CADM2: variants seen among roughly 807,000 people sequenced by gnomAD.
CADM2 encodes the protein immunoglobulin superfamily member 4D.
A neutral mutation model predicts 49.8 loss-of-function variants in CADM2; 12 were observed. The observed-to-expected ratio is 0.24, with a 90% confidence interval of 0.15 to 0.39. The LOEUF (loss-of-function observed/expected upper bound fraction) is 0.39. CADM2 is among the 10% of genes least tolerant of loss of function. CADM2 has a pLI of 1.00. For synonymous variants in CADM2, 214 were observed against 175.4 expected (o/e 1.22, Z -1.74); for missense variants, 378 against 492.3 (o/e 0.77, Z 2.20).
chr3:85,534,305 CT>C (rs1429058106), intron 1 of CADM2, among the ~76,000 whole-genome samples: 1 of 152,112 alleles, frequency 6.6e-6, no homozygotes, highest in Non-Finnish European at 1.5e-5. Flanking sequence ...CCAGATGTAG[CT>C]ATTTAAATCA....
At chr3:85,499,876 T>C (rs1394586814) in intron 1 of CADM2, among the ~76,000 whole-genome samples, 2 of 152,130 alleles carry the variant, frequency 1.3e-5, no homozygotes, top group African/African-American at 2.4e-5. Flanking sequence ...AGACATCACA[T>C]GAATTAAACC....
At chr3:85,447,489 A>G (rs1159802580) in intron 1 of CADM2, among the ~76,000 whole-genome samples, 1 of 152,178 alleles carries the variant, frequency 6.6e-6, no homozygotes, top group Non-Finnish European at 1.5e-5. Context: ...CCCCTTATAC[A>G]TACAGGTAGT....
chr3:84,968,825 T>G (rs1286652413), intron 1 of CADM2, among the ~76,000 whole-genome samples: 1 of 152,046 alleles, frequency 6.6e-6, no homozygotes, highest in Non-Finnish European at 1.5e-5. Context: ...GTTTTGCTGG[T>G]TTTTATGTGA....
At chr3:85,746,340 G>A (rs1193456260) in intron 2 of CADM2, among the ~76,000 whole-genome samples, 1 of 152,126 alleles carries the variant, frequency 6.6e-6, no homozygotes. Flanking sequence ...AGAACTGATG[G>A]ATGTATATTT....
chr3:85,483,131 T>A (rs2039279812), intron 1 of CADM2, among the ~76,000 whole-genome samples: 1 of 151,522 alleles, frequency 6.6e-6, no homozygotes, highest in Non-Finnish European at 1.5e-5. Flanking sequence ...TTATTTAATT[T>A]TGGTAAAATA....
intron 8 of CADM2, among the ~76,000 whole-genome samples, chr3:86,045,174 T>C (rs1282779268): frequency 6.6e-6 from 1 of 151,952 alleles, no homozygotes; most frequent in Non-Finnish European, 1.5e-5. Context: ...AACCTGCACA[T>C]TGTGCACATG....
At position 85,435,164 on chromosome 3, in the gene CADM2, C is replaced by T. The variant is rs976108906; in HGVS notation, c.62-291358C>T. Among the ~76,000 whole-genome samples, 4 of 152,084 alleles carry T rather than the reference C, an allele frequency of 2.6e-5. 1 individual carries two copies. The East Asian group carries it at 5.8e-4, about 22-fold the overall frequency. On this transcript the variant is annotated intron_variant, in intron 1 of 9. Transcript: ENST00000383699. Reference sequence around the variant, plus strand: ...AGGTATTTTTCCTAATGCTATCCCTCCCCTACCCACACAACCCCCAATAGG... The same window carrying T: ...AGGTATTTTTCCTAATGCTATCCCTTCCCTACCCACACAACCCCCAATAGG...
chr3:85,684,725 A>T (rs1415153546), intron 1 of CADM2, among the ~76,000 whole-genome samples: 1 of 152,162 alleles, frequency 6.6e-6, no homozygotes, highest in Non-Finnish European at 1.5e-5. Context: ...CAAAAGGGGA[A>T]ACCCCTTATA....
intron 1 of CADM2, among the ~76,000 whole-genome samples, chr3:85,683,213 C>A (rs1270956620): frequency 1.4e-5 from 2 of 144,736 alleles, no homozygotes; most frequent in African/African-American, 4.9e-5. Context: ...CCCCTGCTCT[C>A]TCTTGAAGGA....
intron 6 of CADM2, among the ~76,000 whole-genome samples, chr3:85,921,742 G>A (rs759263078): frequency 9.9e-5 from 15 of 151,418 alleles, no homozygotes; most frequent in Admixed American, 4.6e-4. Flanking sequence ...ATAATGTCAT[G>A]TATCTACTGT....
At chr3:85,902,402 A>T (rs1454858674) in intron 5 of CADM2, among the ~76,000 whole-genome samples, 2 of 151,828 alleles carry the variant, frequency 1.3e-5, no homozygotes, top group African/African-American at 2.4e-5. Flanking sequence ...GTCCATTTGT[A>T]TCTTTAAATC....
At chr3:85,033,806 CTAAGTGAT>C (rs1464911236) in intron 1 of CADM2, among the ~76,000 whole-genome samples, 1 of 151,716 alleles carries the variant, frequency 6.6e-6, no homozygotes, top group Non-Finnish European at 1.5e-5. Flanking sequence ...GAGAAATGGC[CTAAGTGAT>C]TAGGAATCAA....
intron 2 of CADM2, among the ~76,000 whole-genome samples, chr3:85,776,932 A>C (rs1256785162): frequency 6.6e-6 from 1 of 152,132 alleles, no homozygotes; most frequent in Non-Finnish European, 1.5e-5. Flanking sequence ...CTGCTAAATA[A>C]TATGACTTAA....
At chr3:85,062,677 TA>T (rs1464748319) in intron 1 of CADM2, among the ~76,000 whole-genome samples, 2 of 151,882 alleles carry the variant, frequency 1.3e-5, no homozygotes, top group Admixed American at 1.3e-4. Context: ...TTTTAAATTT[TA>T]AAAAAGTATA....
intron 1 of CADM2, among the ~76,000 whole-genome samples, chr3:85,575,438 C>T (rs1375650723): frequency 1.3e-5 from 2 of 152,148 alleles, no homozygotes; most frequent in East Asian, 3.9e-4. Context: ...GTACTCCCAG[C>T]TACACGGGAA....
At chr3:85,009,334 C>A (rs1009139944) in intron 1 of CADM2, among the ~76,000 whole-genome samples, 1 of 152,106 alleles carries the variant, frequency 6.6e-6, no homozygotes, top group Non-Finnish European at 1.5e-5. Context: ...TTAAAATATA[C>A]AGGTAATTTG....
chr3:85,355,487 A>C (rs1052206771), intron 1 of CADM2, among the ~76,000 whole-genome samples: 5 of 152,052 alleles, frequency 3.3e-5, no homozygotes, highest in Admixed American at 6.6e-5. Context: ...ATTGGACTAG[A>C]TATTTTTTAA....
At chr3:85,452,235 G>T (rs2037780139) in intron 1 of CADM2, among the ~76,000 whole-genome samples, 1 of 152,058 alleles carries the variant, frequency 6.6e-6, no homozygotes, top group South Asian at 2.1e-4. Context: ...AGGCATTTCG[G>T]ATTCTTTGCC....
At chr3:85,521,117 G>A (rs1166846464) in intron 1 of CADM2, among the ~76,000 whole-genome samples, 3 of 152,096 alleles carry the variant, frequency 2.0e-5, no homozygotes, top group Non-Finnish European at 4.4e-5. Context: ...AAAAATGAAC[G>A]CAATTGTTTA....
Sources: allele counts gnomAD v4.1 joint callset (sites outside exome capture counted in the v4.1 genomes callset), GRCh38; gene constraint gnomAD v4.1.1; transcripts MANE v1.5; gene names NCBI Gene and HGNC (gene_info 2026-07-23, HGNC 2026-07-21).